Variants in ZNF354B observed in about 807,000 individuals in gnomAD.
ZNF354B encodes the protein zinc finger protein 354B.
Under a neutral mutation model 12.9 loss-of-function variants are expected in ZNF354B, and 10 were observed. The ratio of observed to expected loss-of-function variants is 0.77; its 90% CI spans 0.48 to 1.31. The LOEUF is 1.31. Ranked by LOEUF, ZNF354B falls within the 40% of genes most tolerant of loss-of-function variation. The pLI is 0.00. For synonymous variants in ZNF354B, 260 were observed against 243.7 expected (o/e 1.07, Z -0.62); for missense variants, 614 against 711.7 (o/e 0.86, Z 1.56).
intron 4 of ZNF354B, among the ~76,000 whole-genome samples, chr5:178,881,035 G>C (rs959072297): frequency 4.0e-5 from 6 of 151,606 alleles, no homozygotes; most frequent in Non-Finnish European, 7.4e-5. Flanking sequence ...GTAGAGACAG[G>C]GTTTCGCCAT....
In ZNF354B at chr5:178,877,368, C is replaced by T. The variant is rs577883652; in HGVS notation, c.257-5341C>T. On this transcript the variant is annotated intron_variant, in intron 4 of 4. Coordinates refer to ENST00000322434, the MANE Select transcript of ZNF354B (RefSeq NM_058230.3). ...TGTTTTTAGTAGAGACAGGATTTCC[C>T]CATTGGCCAGGCTGGTCTCGGAACT... is the stretch of plus-strand genomic sequence containing the variant. 2.2e-3 allele frequency among the ~76,000 whole-genome samples: 334 copies of T among 152,224 alleles called. 1 individual carries two copies. The highest frequency in any genetic ancestry group is 6.4e-3 in the African/African-American group (265 of 41,544).
intron 2 of ZNF354B, among the ~76,000 whole-genome samples, chr5:178,863,236 A>G (rs1255074785): frequency 6.6e-6 from 1 of 152,220 alleles, no homozygotes; most frequent in Non-Finnish European, 1.5e-5. Context: ...ACATTTATAT[A>G]TATACATATG....
intron 2 of ZNF354B, among the ~76,000 whole-genome samples, chr5:178,865,794 A>G (rs1428428254): frequency 1.3e-5 from 2 of 152,168 alleles, no homozygotes; most frequent in African/African-American, 2.4e-5. Flanking sequence ...GCACACAGGT[A>G]GTGCCGTAAG....
intron 2 of ZNF354B, among the ~76,000 whole-genome samples, chr5:178,861,433 C>A (rs932490660): frequency 6.6e-6 from 1 of 152,244 alleles, no homozygotes; most frequent in African/African-American, 2.4e-5. Flanking sequence ...GGAATACTTT[C>A]TCTTTTCACC....
chr5:178,860,402 G>A (rs940171418), intron 1 of ZNF354B, among the ~76,000 whole-genome samples: 1 of 147,510 alleles, frequency 6.8e-6, no homozygotes, highest in African/African-American at 2.5e-5. Context: ...TCGCGGACTC[G>A]GGGCGCCGGG....
chr5:178,869,645 T>A (rs1324131829), intron 4 of ZNF354B, among the ~76,000 whole-genome samples: 1 of 151,890 alleles, frequency 6.6e-6, no homozygotes, highest in Non-Finnish European at 1.5e-5. Flanking sequence ...GAGTGCAGAG[T>A]TGTCCAGAGG....
intron 4 of ZNF354B, 67 bp from the exon 5 acceptor site, chr5:178,882,642 T>A: frequency 6.8e-7 from 1 of 1,468,206 alleles, no homozygotes; most frequent in South Asian, 1.5e-5. Flanking sequence ...ATTAATCCCT[T>A]CTACACATTT....
Position 178,884,578 on chromosome 5 carries a change from G to C in ZNF354B, c.*287G>C, listed in dbSNP as rs995682077. The C allele has an allele frequency of 1.6e-5, 4 of 244,836 alleles. No homozygotes were observed. In the Admixed American group the frequency reaches 2.0e-4, roughly 13 times the overall value. The allele number at this position is 244,836 out of a possible 1,614,324, so 15.2% of individuals were successfully genotyped here. ...TATCTATGACATGCAAAAAAGAAAA[G>C]TCTGGGTGCTGAGGTGCTGAATTTT... On this transcript the variant is annotated 3_prime_UTR_variant, in exon 5 of 5. Coordinates refer to ENST00000322434, the MANE Select transcript of ZNF354B (RefSeq NM_058230.3).
chr5:178,869,644 G>T (rs1757530474), intron 4 of ZNF354B, among the ~76,000 whole-genome samples: 1 of 152,178 alleles, frequency 6.6e-6, no homozygotes, highest in Admixed American at 6.5e-5. Context: ...CGAGTGCAGA[G>T]TTGTCCAGAG....
intron 4 of ZNF354B, among the ~76,000 whole-genome samples, chr5:178,877,171 G>C (rs1015083788): frequency 6.6e-6 from 1 of 151,816 alleles, no homozygotes; most frequent in Admixed American, 6.6e-5. Flanking sequence ...TCTTTGTTTT[G>C]TTTTGTTTTG....
At chr5:178,862,674 T>A (rs1757379550) in intron 2 of ZNF354B, among the ~76,000 whole-genome samples, 1 of 152,224 alleles carries the variant, frequency 6.6e-6, no homozygotes, top group Non-Finnish European at 1.5e-5. Context: ...GGCGGCGTTA[T>A]CTTTTAAACT....
At chr5:178,861,503 T>G (rs1757347771) in intron 2 of ZNF354B, among the ~76,000 whole-genome samples, 1 of 152,232 alleles carries the variant, frequency 6.6e-6, no homozygotes, top group African/African-American at 2.4e-5. Context: ...CGTTGTTAGT[T>G]TTTTGTCCCT....
chr5:178,876,500 G>A (rs1757641025), intron 4 of ZNF354B, among the ~76,000 whole-genome samples: 1 of 152,224 alleles, frequency 6.6e-6, no homozygotes, highest in South Asian at 2.1e-4. Flanking sequence ...GTGACCATGC[G>A]AGGGTCCCAG....
At chr5:178,879,451 C>G (rs548032019) in intron 4 of ZNF354B, among the ~76,000 whole-genome samples, 14 of 152,258 alleles carry the variant, frequency 9.2e-5, no homozygotes, top group African/African-American at 3.1e-4. Context: ...CCAATCTCGG[C>G]TCACTGCAAT....
At chr5:178,868,721 C>T (rs147843754) in intron 4 of ZNF354B, among the ~76,000 whole-genome samples, 238 of 152,218 alleles carry the variant, frequency 1.6e-3, no homozygotes, top group African/African-American at 5.5e-3. Context: ...GCCTGTAATC[C>T]GAGCACTTTG....
intron 4 of ZNF354B, among the ~76,000 whole-genome samples, chr5:178,867,985 A>G (rs1017763717): frequency 2.0e-5 from 3 of 152,202 alleles, no homozygotes; most frequent in African/African-American, 7.2e-5. Flanking sequence ...CTTGCAGAGC[A>G]ATTGCAATCA....
rs1757760048 is a variant in ZNF354B at position 178,883,931 on chromosome 5, C to T, written c.1479C>T (p.Pro493=). The T allele has an allele frequency of 3.7e-6, 6 of 1,614,038 alleles. No individual in the cohort carries two copies. Among genetic ancestry groups the T allele is most frequent in the Non-Finnish European group, 5.1e-6 (6 of 1,179,986 alleles). The change falls in exon 5 of 5, where the codon CCC becomes CCT. Residue 493 remains proline, a synonymous_variant. Coordinates refer to ENST00000322434, the MANE Select transcript of ZNF354B (RefSeq NM_058230.3). The part of the protein sequence containing the change: ...QHQRMHTGER[P]YKCNECDKTF... ...AGAGAATGCATACTGGAGAAAGACC[C>T]TATAAGTGTAACGAATGTGACAAAA...
In ZNF354B at chr5:178,884,490, A is replaced by G. The variant is rs1272836613; in HGVS notation, c.*199A>G. On this transcript the variant is annotated 3_prime_UTR_variant, in exon 5 of 5. Coordinates refer to ENST00000322434, the MANE Select transcript of ZNF354B (RefSeq NM_058230.3). ...CCCGAGACAGTTCACTGTTGCAGAC[A>G]TTGAAATTGGCCATTTGTAAGATAA... 2 of 504,558 alleles carry G rather than the reference A, an allele frequency of 4.0e-6. No individual in the cohort carries two copies. Among genetic ancestry groups the G allele is most frequent in the African/African-American group, 2.0e-5 (1 of 50,762 alleles). 31.3% of individuals were successfully genotyped at this position (504,558 alleles called of 1,614,324 possible). A position where few individuals can be genotyped will look rare whatever the true frequency, so the allele number is the denominator to read the frequency against.
chr5:178,878,950 C>T (rs1757679315), intron 4 of ZNF354B, among the ~76,000 whole-genome samples: 1 of 152,134 alleles, frequency 6.6e-6, no homozygotes, highest in African/African-American at 2.4e-5. Flanking sequence ...ATGCACCCGC[C>T]TCAGCCTCCC....
Sources: allele counts gnomAD v4.1 joint callset (sites outside exome capture counted in the v4.1 genomes callset), GRCh38; gene constraint gnomAD v4.1.1; transcripts MANE v1.5; gene names NCBI Gene and HGNC (gene_info 2026-07-23, HGNC 2026-07-21).